CSMD1: variants seen among roughly 807,000 people sequenced by gnomAD.
The protein encoded by CSMD1 is CUB and Sushi multiple domains 1.
A neutral mutation model predicts 417.5 loss-of-function variants in CSMD1; 213 were observed. The observed-to-expected ratio is 0.51, with a 90% CI of 0.46 to 0.57. CSMD1 has a LOEUF of 0.57. Ranked by LOEUF, CSMD1 falls within the 20% of genes least tolerant of loss-of-function variation. The pLI is 0.00. For missense variants in CSMD1, 6,923 were observed against 4,529.7 expected (o/e 1.53, Z -15.17); for synonymous variants, 2,862 against 1,736.8 (o/e 1.65, Z -16.11).
intron 3 of CSMD1, among the ~76,000 whole-genome samples, chr8:4,381,388 A>AG (rs1049625329): frequency 5.9e-5 from 9 of 152,150 alleles, no homozygotes; most frequent in African/African-American, 2.2e-4. Context: ...AAGAGTAAGC[A>AG]GGGGTGGAAA....
At chr8:4,379,642 G>A (rs1474472107) in intron 3 of CSMD1, among the ~76,000 whole-genome samples, 2 of 152,180 alleles carry the variant, frequency 1.3e-5, no homozygotes, top group East Asian at 1.9e-4. Context: ...ACCAAAATGA[G>A]TCTGCTGGAC....
intron 18 of CSMD1, among the ~76,000 whole-genome samples, chr8:3,386,328 ACGCCGAACT>A (rs1811001984): frequency 6.6e-6 from 1 of 152,122 alleles, no homozygotes. Context: ...GGCCCCACAG[ACGCCGAACT>A]CGACTCCCAC....
chr8:4,266,664 A>G (rs1258076825), intron 3 of CSMD1, among the ~76,000 whole-genome samples: 1 of 105,154 alleles, frequency 9.5e-6, no homozygotes, highest in African/African-American at 2.6e-5. Context: ...GAACATTGAT[A>G]TAACTTGAAA....
intron 54 of CSMD1, among the ~76,000 whole-genome samples, chr8:2,983,470 G>A (rs1324634654): frequency 6.6e-6 from 1 of 152,148 alleles, no homozygotes. Flanking sequence ...GCAGGTGTGA[G>A]CCACCTCGCC....
At chr8:4,914,742 T>G (rs1404337188) in intron 1 of CSMD1, among the ~76,000 whole-genome samples, 1 of 151,868 alleles carries the variant, frequency 6.6e-6, no homozygotes. Context: ...CTTAAGAGGC[T>G]AATGTGTTTT....
At chr8:3,431,736 T>G (rs968585741) in intron 12 of CSMD1, among the ~76,000 whole-genome samples, 1 of 152,222 alleles carries the variant, frequency 6.6e-6, no homozygotes, top group Non-Finnish European at 1.5e-5. Context: ...CACTTTACTT[T>G]TGCTCTATCT....
At chr8:3,150,947 TAATA>T (rs1819158239) in intron 40 of CSMD1, among the ~76,000 whole-genome samples, 1 of 152,176 alleles carries the variant, frequency 6.6e-6, no homozygotes, top group Admixed American at 6.5e-5. Context: ...GAAAACAATG[TAATA>T]TATAGCAAAA....
intron 4 of CSMD1, among the ~76,000 whole-genome samples, chr8:4,001,776 G>C (rs575380339): frequency 2.0e-5 from 3 of 152,094 alleles, no homozygotes; most frequent in Non-Finnish European, 4.4e-5. Flanking sequence ...AGCACTGACT[G>C]CAACAGACAA....
At chr8:4,075,385 AG>A (rs1202250680) in intron 3 of CSMD1, among the ~76,000 whole-genome samples, 1 of 152,188 alleles carries the variant, frequency 6.6e-6, no homozygotes, top group African/African-American at 2.4e-5. Context: ...GCTAAAGAAC[AG>A]AAAAAACTCA....
chr8:4,279,599 A>C (rs1796669996), intron 3 of CSMD1, among the ~76,000 whole-genome samples: 1 of 152,196 alleles, frequency 6.6e-6, no homozygotes, highest in Non-Finnish European at 1.5e-5. Context: ...CTAAACAAAT[A>C]GACTCAATGA....
chr8:3,810,090 G>A (rs542810631), intron 5 of CSMD1, among the ~76,000 whole-genome samples: 31 of 152,242 alleles, frequency 2.0e-4, no homozygotes, highest in African/African-American at 6.7e-4. Flanking sequence ...ACATTTAAAT[G>A]TTTATTCAGC....
At chr8:3,159,829 T>G (rs1051587291) in intron 38 of CSMD1, among the ~76,000 whole-genome samples, 4 of 152,226 alleles carry the variant, frequency 2.6e-5, no homozygotes, top group Non-Finnish European at 2.9e-5. Context: ...TATAAGAAAT[T>G]TCTTTGGTAA....
chr8:4,593,511 T>C (rs1156364664), intron 2 of CSMD1, among the ~76,000 whole-genome samples: 2 of 152,300 alleles, frequency 1.3e-5, no homozygotes, highest in East Asian at 3.9e-4. Flanking sequence ...TGGATTATTT[T>C]TCAATTATAA....
intron 51 of CSMD1, among the ~76,000 whole-genome samples, chr8:3,028,183 T>C (rs1810085163): frequency 6.6e-6 from 1 of 152,162 alleles, no homozygotes; most frequent in African/African-American, 2.4e-5. Context: ...TGGTTTGAAA[T>C]CGACAAGATG....
rs1461804826 is a variant in CSMD1, at chr8:3,945,463, G to C, written c.818+52440C>G. Among the ~76,000 whole-genome samples the C allele has an allele frequency of 2.6e-5, 4 of 151,904 alleles. No individual in the cohort carries two copies. In the East Asian group the frequency reaches 7.7e-4, roughly 29 times the overall value. ...AGTCTAACTGCTAATCTTTTCAATT[G>C]TTTTCTTAGTTACTCTTCAACTGTG... is the stretch of plus-strand genomic sequence containing the variant. On this transcript the variant is annotated intron_variant, in intron 5 of 69. Transcript: ENST00000635120.
At chr8:4,589,403 T>C (rs1799876122) in intron 2 of CSMD1, among the ~76,000 whole-genome samples, 1 of 152,118 alleles carries the variant, frequency 6.6e-6, no homozygotes, top group African/African-American at 2.4e-5. Context: ...AAACCAATGA[T>C]AGTAAGGAAT....
At chr8:4,009,201 T>C (rs900125393) in intron 4 of CSMD1, among the ~76,000 whole-genome samples, 3 of 152,184 alleles carry the variant, frequency 2.0e-5, no homozygotes, top group African/African-American at 7.2e-5. Flanking sequence ...GGGAAAATAA[T>C]TCTAAATGTA....
chr8:4,588,654 G>T (rs1012761780), intron 2 of CSMD1, among the ~76,000 whole-genome samples: 11 of 151,750 alleles, frequency 7.2e-5, no homozygotes, highest in Admixed American at 4.6e-4. Flanking sequence ...GCGTGGTGGC[G>T]GGCGCCTTTA....
At chr8:4,328,560 CACA>C (rs1391344532) in intron 3 of CSMD1, among the ~76,000 whole-genome samples, 6 of 151,764 alleles carry the variant, frequency 4.0e-5, no homozygotes, top group African/African-American at 1.5e-4. Context: ...ACTATGTACC[CACA>C]ACAATTTAAA....
Sources: gnomAD v4.1 joint callset for allele counts (sites outside exome capture counted in the v4.1 genomes callset) on GRCh38, gnomAD v4.1.1 for gene constraint, MANE v1.5 for transcripts, NCBI Gene and HGNC (gene_info 2026-07-23, HGNC 2026-07-21) for gene names.